Variants in RANBP17 observed in about 807,000 individuals in gnomAD.
RANBP17 encodes the protein RAN binding protein 17, also known as ran-binding protein 17.
A neutral mutation model predicts 141.2 loss-of-function variants in RANBP17; 158 were observed. The observed-to-expected ratio is 1.12, with a 90% confidence interval of 0.98 to 1.28. The LOEUF (loss-of-function observed/expected upper bound fraction) is 1.28. RANBP17 is among the 50% of genes most tolerant of loss of function. The probability of loss-of-function intolerance (pLI) is 0.00; values close to 1 mark genes in which losing one functional copy is unlikely to be tolerated. For missense variants in RANBP17, 1,438 were observed against 1,290.7 expected (o/e 1.11, Z -1.75); for synonymous variants, 430 against 450.0 (o/e 0.96, Z 0.56).
In RANBP17 at chr5:171,173,016, A is replaced by G. The variant is rs113767979; in HGVS notation, c.1865+1730A>G. On this transcript the variant is annotated intron_variant, in intron 16 of 27. Transcript: ENST00000523189. Reference sequence around the variant, plus strand: ...GGATAGGAATGATTTCAACATGGGTACATTGATTTATATTTTTTAGCAATT... The same window carrying G: ...GGATAGGAATGATTTCAACATGGGTGCATTGATTTATATTTTTTAGCAATT... 9.5e-3 allele frequency among the ~76,000 whole-genome samples: 1,438 copies of G among 152,062 alleles called. 25 individuals carry two copies. Among genetic ancestry groups the G allele is most frequent in the African/African-American group, 0.033 (1,374 of 41,546 alleles).
At chr5:171,178,328 A>G (rs1408098615) in intron 16 of RANBP17, among the ~76,000 whole-genome samples, 3 of 152,054 alleles carry the variant, frequency 2.0e-5, no homozygotes, top group African/African-American at 7.2e-5. Context: ...AGCTTCATCC[A>G]TGTCCCTGCA....
intron 12 of RANBP17, among the ~76,000 whole-genome samples, chr5:170,935,633 C>A (rs1773803470): frequency 6.6e-6 from 1 of 152,048 alleles, no homozygotes; most frequent in South Asian, 2.1e-4. Flanking sequence ...GCAGATGTTG[C>A]TGCCTAATCC....
intron 14 of RANBP17, among the ~76,000 whole-genome samples, chr5:171,092,316 G>T (rs528075874): frequency 3.9e-5 from 6 of 152,250 alleles, no homozygotes; most frequent in Admixed American, 2.0e-4. Flanking sequence ...ACAGATCTAA[G>T]AATACTTGGC....
At chr5:170,946,930 A>G (rs1774818455) in intron 12 of RANBP17, among the ~76,000 whole-genome samples, 1 of 152,206 alleles carries the variant, frequency 6.6e-6, no homozygotes, top group African/African-American at 2.4e-5. Context: ...AAGAAGGTAG[A>G]GTTTCACTTT....
At chr5:171,056,219 T>A (rs1314133246) in intron 14 of RANBP17, among the ~76,000 whole-genome samples, 3 of 152,156 alleles carry the variant, frequency 2.0e-5, no homozygotes, top group Non-Finnish European at 4.4e-5. Flanking sequence ...ACATTTCAGC[T>A]CTCCATGAGT....
At chr5:171,213,249 C>T (rs1159327428) in intron 20 of RANBP17, among the ~76,000 whole-genome samples, 1 of 151,976 alleles carries the variant, frequency 6.6e-6, no homozygotes, top group Non-Finnish European at 1.5e-5. Context: ...ATAATAATAA[C>T]TCAAATATAT....
intron 14 of RANBP17, among the ~76,000 whole-genome samples, chr5:171,129,615 T>C (rs1370696730): frequency 6.6e-6 from 1 of 152,228 alleles, no homozygotes; most frequent in Non-Finnish European, 1.5e-5. Context: ...CTAATGGGAC[T>C]GTTAACCAGT....
intron 5 of RANBP17, among the ~76,000 whole-genome samples, chr5:170,903,094 C>T (rs775028701): frequency 6.6e-6 from 1 of 152,188 alleles, no homozygotes; most frequent in Non-Finnish European, 1.5e-5. Context: ...TGAAGCTGTG[C>T]CCACAGCCGC....
chr5:171,120,986 G>A (rs939686338), intron 14 of RANBP17, among the ~76,000 whole-genome samples: 1 of 152,170 alleles, frequency 6.6e-6, no homozygotes, highest in Non-Finnish European at 1.5e-5. Context: ...ATTCTGTGTA[G>A]CTTCTTTAGC....
At chr5:171,195,411 T>C (rs763576213) in intron 18 of RANBP17, among the ~76,000 whole-genome samples, 1 of 152,230 alleles carries the variant, frequency 6.6e-6, no homozygotes, top group Non-Finnish European at 1.5e-5. Flanking sequence ...TTGCATGATA[T>C]AAACAACAAT....
At chr5:171,183,102 A>G in intron 16 of RANBP17, 65 bp from the exon 17 acceptor site, 1 of 856,420 alleles carries the variant, frequency 1.2e-6, no homozygotes, top group South Asian at 1.5e-5. Context: ...GTTCACTGTT[A>G]CTTTGTGATT....
In RANBP17 at chr5:171,165,387, A is replaced by G. The variant is rs146614743; in HGVS notation, c.1711-4743A>G. On this transcript the variant is annotated intron_variant, in intron 14 of 27. Coordinates refer to ENST00000523189, the MANE Select transcript of RANBP17 (RefSeq NM_022897.5). ...AGTTTGGGGTTTCACCGTGTTGCCC[A>G]GGCTGGTCTCGAACTCCTGAGCTCA... Among the ~76,000 whole-genome samples, 8 of 152,224 alleles carry G rather than the reference A, an allele frequency of 5.3e-5. No homozygotes were observed. The East Asian group carries it at 1.5e-3, about 29-fold the overall frequency.
intron 12 of RANBP17, among the ~76,000 whole-genome samples, chr5:170,932,123 T>A (rs986892037): frequency 3.9e-5 from 6 of 152,034 alleles, no homozygotes; most frequent in African/African-American, 4.8e-5. Flanking sequence ...GGTCCTTCAC[T>A]TCCCTTGTAA....
At chr5:171,069,000 T>G (rs971794604) in intron 14 of RANBP17, among the ~76,000 whole-genome samples, 2 of 152,148 alleles carry the variant, frequency 1.3e-5, no homozygotes, top group Non-Finnish European at 2.9e-5. Context: ...AAACTATCCT[T>G]GTCATGTGTG....
intron 14 of RANBP17, among the ~76,000 whole-genome samples, chr5:171,057,134 C>T (rs765823885): frequency 6.6e-6 from 1 of 152,050 alleles, no homozygotes; most frequent in Non-Finnish European, 1.5e-5. Context: ...AAGAGCAGAT[C>T]CATGCTCTAA....
At chr5:171,171,021 T>A (rs187546750) in intron 15 of RANBP17, among the ~76,000 whole-genome samples, 185 bp from the exon 16 acceptor site, 219 of 152,250 alleles carry the variant, frequency 1.4e-3, no homozygotes, top group Non-Finnish European at 2.7e-3. Flanking sequence ...GCAATATTCA[T>A]TGCAGATTGC....
chr5:171,289,231 C>G (rs983080568), intron 25 of RANBP17, among the ~76,000 whole-genome samples: 1 of 152,194 alleles, frequency 6.6e-6, no homozygotes, highest in Non-Finnish European at 1.5e-5. Flanking sequence ...AATCATCACC[C>G]TGTACTCATT....
intron 18 of RANBP17, among the ~76,000 whole-genome samples, chr5:171,193,243 C>A (rs17073392): frequency 0.092 from 13,999 of 152,162 alleles, 1,047 homozygotes; most frequent in African/African-American, 0.2. Flanking sequence ...ATTCTAATTG[C>A]ATCCTACAGA....
chr5:171,031,954 C>T (rs73801146), intron 14 of RANBP17, among the ~76,000 whole-genome samples: 18,537 of 152,000 alleles, frequency 0.12, 3,242 homozygotes, highest in African/African-American at 0.39. Context: ...CTATGATTGC[C>T]AAAGTCTTAT....
Sources: allele counts gnomAD v4.1 joint callset (sites outside exome capture counted in the v4.1 genomes callset), GRCh38; gene constraint gnomAD v4.1.1; transcripts MANE v1.5; gene names NCBI Gene and HGNC (gene_info 2026-07-23, HGNC 2026-07-21).